Variants in ZNF385D observed in about 807,000 individuals in gnomAD.
ZNF385D encodes zinc finger protein 659.
A neutral mutation model predicts 35.8 loss-of-function variants in ZNF385D; 15 were observed. That is an observed-to-expected ratio of 0.42 (90% CI 0.28 to 0.64). The LOEUF (loss-of-function observed/expected upper bound fraction) is 0.64, where lower values mean the gene tolerates loss of function less well. ZNF385D is among the 30% of genes least tolerant of loss of function. The probability of loss-of-function intolerance (pLI) is 0.23; values close to 1 mark genes in which losing one functional copy is unlikely to be tolerated. For synonymous variants in ZNF385D, 212 were observed against 186.8 expected (o/e 1.13, Z -1.10); for missense variants, 474 against 494.6 (o/e 0.96, Z 0.39).
At chr3:21,989,877 T>C (rs183427086) in intron 3 of ZNF385D, among the ~76,000 whole-genome samples, 2 of 152,182 alleles carry the variant, frequency 1.3e-5, no homozygotes, top group South Asian at 2.1e-4. Context: ...AGCCGTTGAG[T>C]GAGAATTTCT....
At chr3:22,243,404 G>A (rs894925415) in intron 2 of ZNF385D, among the ~76,000 whole-genome samples, 2 of 150,814 alleles carry the variant, frequency 1.3e-5, no homozygotes, top group South Asian at 4.4e-4. Context: ...ACTTTGAAGG[G>A]GAAACAGTGA....
At chr3:21,874,669 G>GT (rs1290222774) in intron 3 of ZNF385D, among the ~76,000 whole-genome samples, 1 of 152,086 alleles carries the variant, frequency 6.6e-6, no homozygotes, top group Non-Finnish European at 1.5e-5. Context: ...ATCAGGAAAT[G>GT]TGAGGTCTCT....
intron 2 of ZNF385D, among the ~76,000 whole-genome samples, chr3:22,179,270 G>C (rs1466568115): frequency 1.3e-5 from 2 of 152,130 alleles, no homozygotes; most frequent in African/African-American, 2.4e-5. Flanking sequence ...TTGAGCAGTG[G>C]TTTGTAGTTC....
chr3:22,267,361 TTTTCCA>T (rs1700949545), intron 2 of ZNF385D, among the ~76,000 whole-genome samples: 1 of 151,874 alleles, frequency 6.6e-6, no homozygotes, highest in African/African-American at 2.4e-5. Context: ...ACCAAATGTT[TTTTCCA>T]TTGTTTTACC....
chr3:22,034,328 G>A (rs1295716051), intron 3 of ZNF385D, among the ~76,000 whole-genome samples: 3 of 152,076 alleles, frequency 2.0e-5, no homozygotes, highest in Admixed American at 2.0e-4. Flanking sequence ...TTTGTAACCT[G>A]GAAAATGGCC....
intron 2 of ZNF385D, among the ~76,000 whole-genome samples, chr3:22,195,814 C>A (rs1399524881): frequency 6.6e-6 from 1 of 152,032 alleles, no homozygotes; most frequent in Non-Finnish European, 1.5e-5. Context: ...AAATGTTATA[C>A]ATATACACCA....
chr3:21,505,918 G>A (rs1009876513), intron 4 of ZNF385D, among the ~76,000 whole-genome samples: 3 of 151,974 alleles, frequency 2.0e-5, no homozygotes, highest in African/African-American at 4.8e-5. Context: ...TTGGCCAACC[G>A]TTTCAGCATA....
At chr3:22,365,491 A>C (rs1008147361) in intron 2 of ZNF385D, among the ~76,000 whole-genome samples, 1 of 152,102 alleles carries the variant, frequency 6.6e-6, no homozygotes, top group African/African-American at 2.4e-5. Context: ...TTTCTAAAAA[A>C]AATTTTTTTT....
intron 3 of ZNF385D, among the ~76,000 whole-genome samples, chr3:22,067,959 G>A (rs979022103): frequency 6.6e-6 from 1 of 151,802 alleles, no homozygotes. Flanking sequence ...GTTGCAGTGA[G>A]CCGAGATCAC....
At chr3:21,602,780 G>A (rs866955513) in intron 2 of ZNF385D, among the ~76,000 whole-genome samples, 2 of 151,504 alleles carry the variant, frequency 1.3e-5, no homozygotes, top group African/African-American at 4.9e-5. Flanking sequence ...TGATCCACCC[G>A]CCTCGGCCTC....
intron 2 of ZNF385D, among the ~76,000 whole-genome samples, chr3:21,633,758 A>T (rs1260336397): frequency 6.6e-6 from 1 of 152,124 alleles, no homozygotes; most frequent in Admixed American, 6.6e-5. Context: ...ATAAAGAATA[A>T]AACTGCCTAT....
intron 3 of ZNF385D, among the ~76,000 whole-genome samples, chr3:21,984,518 G>A (rs1694694108): frequency 7.7e-6 from 1 of 129,346 alleles, no homozygotes; most frequent in African/African-American, 3.2e-5. Context: ...CTGTTCCATT[G>A]ATCTATATCT....
intron 4 of ZNF385D, among the ~76,000 whole-genome samples, chr3:21,446,628 G>A (rs915159916): frequency 6.6e-6 from 1 of 151,524 alleles, no homozygotes; most frequent in Non-Finnish European, 1.5e-5. Flanking sequence ...TGAGTAGCTG[G>A]GATTACAGGG....
intron 3 of ZNF385D, among the ~76,000 whole-genome samples, chr3:21,878,700 T>A (rs898417108): frequency 6.6e-6 from 1 of 152,046 alleles, no homozygotes; most frequent in Non-Finnish European, 1.5e-5. Context: ...CTAGGTAGGT[T>A]CCATGAAGTG....
intron 3 of ZNF385D, among the ~76,000 whole-genome samples, chr3:21,999,970 A>T (rs541704599): frequency 6.6e-6 from 1 of 152,246 alleles, no homozygotes; most frequent in Non-Finnish European, 1.5e-5. Flanking sequence ...ACACATCCAG[A>T]CACAAGAAGC....
intron 5 of ZNF385D, 71 bp from the exon 6 acceptor site, chr3:21,425,741 G>A (rs1236167607): frequency 2.1e-6 from 3 of 1,412,812 alleles, no homozygotes; most frequent in South Asian, 1.6e-5. Flanking sequence ...GAGGTGGGAT[G>A]GGAGGAAAAA....
At chr3:21,639,499 C>T (rs975593485) in intron 2 of ZNF385D, among the ~76,000 whole-genome samples, 1 of 151,968 alleles carries the variant, frequency 6.6e-6, no homozygotes, top group African/African-American at 2.4e-5. Context: ...ATCATGAGCT[C>T]TTCTTTATGT....
chr3:21,765,720 C>CACAGAGAGAG (rs1553656823), intron 3 of ZNF385D, among the ~76,000 whole-genome samples: 1 of 139,030 alleles, frequency 7.2e-6, no homozygotes, highest in Non-Finnish European at 1.6e-5. Flanking sequence ...CACATACACA[C>CACAGAGAGAG]ACAGAGAGAG....
chr3:21,798,028 C>T (rs2072231348), intron 3 of ZNF385D, among the ~76,000 whole-genome samples: 1 of 152,142 alleles, frequency 6.6e-6, no homozygotes, highest in African/African-American at 2.4e-5. Flanking sequence ...AAACTATGGA[C>T]ACTGGCAACA....
Sources: gnomAD v4.1 joint callset for allele counts (sites outside exome capture counted in the v4.1 genomes callset) on GRCh38, gnomAD v4.1.1 for gene constraint, MANE v1.5 for transcripts, NCBI Gene and HGNC (gene_info 2026-07-23, HGNC 2026-07-21) for gene names.